The following MALT1 variants were observed in gnomAD, a reference collection of about 807,000 sequenced individuals.
MALT1 encodes MALT1 paracaspase, also known as mucosa-associated lymphoid tissue lymphoma translocation protein 1.
Under a neutral mutation model 85.5 loss-of-function variants are expected in MALT1, and 36 were observed. The observed-to-expected ratio is 0.42, with a 90% CI of 0.32 to 0.56. The LOEUF (loss-of-function observed/expected upper bound fraction) is 0.56, where lower values mean the gene tolerates loss of function less well. Ranked by LOEUF, MALT1 falls within the 20% of genes least tolerant of loss-of-function variation. The probability of loss-of-function intolerance (pLI) is 0.10; values close to 1 mark genes in which losing one functional copy is unlikely to be tolerated. For missense variants in MALT1, 716 were observed against 981.6 expected, an observed-to-expected ratio of 0.73 and a Z score of 3.62; for synonymous variants, 359 against 361.3, an observed-to-expected ratio of 0.99 and a Z score of 0.07.
At chr18:58,674,618 G>A (rs1218212791) in intron 1 of MALT1, among the ~76,000 whole-genome samples, 2 of 152,186 alleles carry the variant, frequency 1.3e-5, no homozygotes, top group African/African-American at 4.8e-5. Context: ...AAGGTCAGCT[G>A]GGGATGCTTA....
At chr18:58,724,274 G>A (rs1442059695) in intron 10 of MALT1, among the ~76,000 whole-genome samples, 1 of 152,112 alleles carries the variant, frequency 6.6e-6, no homozygotes, top group African/African-American at 2.4e-5. Flanking sequence ...GTTGTGTAAG[G>A]GATGGGGAAA....
At chr18:58,697,958 A>G (rs2054614290) in intron 3 of MALT1, among the ~76,000 whole-genome samples, 1 of 152,220 alleles carries the variant, frequency 6.6e-6, no homozygotes, top group Non-Finnish European at 1.5e-5. Context: ...CTATGAGGAA[A>G]ATCAACAGGG....
intron 3 of MALT1, 152 bp from the exon 4 acceptor site, chr18:58,700,289 C>G: frequency 3.8e-6 from 2 of 521,264 alleles, no homozygotes; most frequent in Non-Finnish European, 6.5e-6. Flanking sequence ...TAACTCAAAG[C>G]GTTACTGTTT....
At chr18:58,730,316 T>TCCTTAAC (rs952366813) in intron 10 of MALT1, among the ~76,000 whole-genome samples, 26 of 152,100 alleles carry the variant, frequency 1.7e-4, no homozygotes, top group African/African-American at 6.3e-4. Context: ...CTCCCATTCC[T>TCCTTAAC]CCTTACCCCA....
intron 10 of MALT1, among the ~76,000 whole-genome samples, chr18:58,731,814 TG>T (rs138247603): frequency 1.3e-3 from 204 of 151,322 alleles, no homozygotes; most frequent in Middle Eastern, 3.4e-3. Flanking sequence ...ATGAATCTCC[TG>T]ATCTCCTGCT....
In MALT1 at chr18:58,671,529, T is replaced by G. The variant is rs993212298; in HGVS notation, c.-115T>G. ...CTGAGGGCCGTGCCGCGCTGCCAGA[T>G]TTGTTCTTCCGCCCCTGCCTCCGCG... On this transcript the variant is annotated 5_prime_UTR_variant, in exon 1 of 17. Transcript: ENST00000649217. 99 of 571,446 alleles carry G rather than the reference T, an allele frequency of 1.7e-4. No individual in the cohort carries two copies. The highest frequency in any genetic ancestry group is 2.0e-4 in the Non-Finnish European group (78 of 396,950). 35.4% of individuals were successfully genotyped at this position (571,446 alleles called of 1,614,324 possible). A position where few individuals can be genotyped will look rare whatever the true frequency, so the allele number is the denominator to read the frequency against.
rs902023578 is a variant in MALT1 at position 58,680,949 on chromosome 18, A to T, written c.210-221A>T. On this transcript the variant is annotated intron_variant, in intron 1 of 16. Transcript: ENST00000649217. ...CGTCTCAAAAAAAAAAAAAAAAAAAAAAAAAATAATCATGGGAGCTGAGTG... is the reference window on the plus strand; with the variant it reads ...CGTCTCAAAAAAAAAAAAAAAAAAATAAAAAATAATCATGGGAGCTGAGTG... Among the ~76,000 whole-genome samples, 671 of 151,638 alleles carry T rather than the reference A, an allele frequency of 4.4e-3. 9 individuals are homozygous for T. Among genetic ancestry groups the T allele is most frequent in the African/African-American group, 0.015 (621 of 41,302 alleles).
intron 10 of MALT1, among the ~76,000 whole-genome samples, chr18:58,724,242 TC>T (rs1260879126): frequency 2.0e-5 from 3 of 152,044 alleles, no homozygotes; most frequent in African/African-American, 7.2e-5. Flanking sequence ...GCTTTTTTTT[TC>T]CCCCCAAGAT....
In MALT1 at chr18:58,671,845, C is replaced by A. The variant is rs1020525635; in HGVS notation, c.202C>A (p.Arg68Ser). ...GCTGGCGGGGAGTCGCGGGCGCCTCCGCCTCAGGTGAGCTCAGGGCCGCGG... is the reference window on the plus strand; with the variant it reads ...GCTGGCGGGGAGTCGCGGGCGCCTCAGCCTCAGGTGAGCTCAGGGCCGCGG... ...AELAGSRGRL[R>S]LSCLDLEQCS... is the part of the protein sequence containing the mutation. Residue 68 changes from arginine to serine, a missense_variant, in exon 1 of 17, where the codon CGC (arginine) becomes AGC (serine). Coordinates refer to ENST00000649217, the MANE Select transcript of MALT1 (RefSeq NM_006785.4). 4 of 1,227,628 alleles carry A rather than the reference C, an allele frequency of 3.3e-6. No individual in the cohort carries two copies. Among genetic ancestry groups the A allele is most frequent in the Admixed American group, 8.6e-5 (2 of 23,190 alleles). 76.0% of individuals were successfully genotyped at this position (1,227,628 alleles called of 1,614,324 possible).
intron 4 of MALT1, among the ~76,000 whole-genome samples, chr18:58,706,667 A>C (rs773488677): frequency 6.6e-6 from 1 of 152,156 alleles, no homozygotes; most frequent in Non-Finnish European, 1.5e-5. Context: ...TTTGTAGACA[A>C]ATTATCTCAG....
chr18:58,729,400 A>G (rs1170372703), intron 10 of MALT1, among the ~76,000 whole-genome samples: 2 of 151,846 alleles, frequency 1.3e-5, no homozygotes, highest in African/African-American at 4.8e-5. Context: ...GAGGCAGGAG[A>G]ATCACTTGAA....
At chr18:58,671,899 G>A in intron 1 of MALT1, 47 bp downstream of exon 1, 1 of 1,186,130 alleles carries the variant, frequency 8.4e-7, no homozygotes, top group South Asian at 4.2e-5. Flanking sequence ...CGAGCGGGGT[G>A]GGCTGCGGTG....
At chr18:58,727,616 G>GTTGTTTTTTTTTTTTTTT (rs2055077320) in intron 10 of MALT1, among the ~76,000 whole-genome samples, 1 of 121,264 alleles carries the variant, frequency 8.2e-6, no homozygotes, top group African/African-American at 3.3e-5. Context: ...GGTTTTTTGT[G>GTTGTTTTTTTTTTTTTTT]TTTTTTTTTT....
At position 58,709,462 on chromosome 18, in the gene MALT1, T is replaced by G; in HGVS notation, c.734T>G (p.Val245Gly). The G allele has an allele frequency of 6.2e-7, 1 of 1,613,150 alleles. No individual in the cohort carries two copies. Among genetic ancestry groups the G allele is most frequent in the South Asian group, 1.1e-5 (1 of 90,956 alleles). ...AAGCTGATGCCAGGCAGCACATTGG[T>G]TTTACAGTGTGTTGCTGTTGGAAGC... ...SQKLMPGSTL[V>G]LQCVAVGSPI... Residue 245 changes from valine to glycine, a missense_variant, in exon 5 of 17, where the codon GTT (valine) becomes GGT (glycine). By Grantham distance (109) the Val-to-Gly change is moderately radical (BLOSUM62 -3). This residue lies in a region of MALT1 where 290 missense variants were observed against 380.5 expected (regional missense o/e 0.76). Transcript: ENST00000649217.
chr18:58,753,652 T>C lies in MALT1; in HGVS notation c.*5810T>C, dbSNP rs979094575. ...GTGATTTACTAAAAGATTAACAGCA[T>C]TTATCTCTGGTGGGATAATTTTTCT... On this transcript the variant is annotated 3_prime_UTR_variant, in exon 17 of 17. Transcript: ENST00000649217. 1 of 152,250 alleles carries C rather than the reference T, an allele frequency of 6.6e-6. No homozygotes were observed. The highest frequency in any genetic ancestry group is 1.5e-5 in the Non-Finnish European group (1 of 68,042). 9.4% of individuals were successfully genotyped at this position (152,250 alleles called of 1,614,324 possible).
chr18:58,702,096 A>C (rs1198984898), intron 4 of MALT1, among the ~76,000 whole-genome samples: 3 of 151,972 alleles, frequency 2.0e-5, no homozygotes. Context: ...CTGGCATGGT[A>C]GCTCACACCT....
chr18:58,717,724 C>T (rs899346580), intron 9 of MALT1, among the ~76,000 whole-genome samples: 4 of 130,742 alleles, frequency 3.1e-5, no homozygotes, highest in African/African-American at 5.8e-5. Context: ...CCAGCCTGGG[C>T]GACAGAGTAA....
intron 10 of MALT1, among the ~76,000 whole-genome samples, chr18:58,731,849 CTTT>C (rs1445466586): frequency 2.0e-5 from 3 of 152,148 alleles, no homozygotes; most frequent in South Asian, 4.1e-4. Context: ...CTTTGTCCTT[CTTT>C]TTTGTTTCTC....
intron 9 of MALT1, among the ~76,000 whole-genome samples, chr18:58,721,787 C>T (rs960540910): frequency 2.0e-5 from 3 of 152,194 alleles, no homozygotes; most frequent in Non-Finnish European, 4.4e-5. Context: ...TGTGATTATT[C>T]ATGCCTGTTT....
Sources: allele counts gnomAD v4.1 joint callset (sites outside exome capture counted in the v4.1 genomes callset), GRCh38; gene constraint gnomAD v4.1.1; regional missense constraint gnomAD v4.1.1; transcripts MANE v1.5; gene names NCBI Gene and HGNC (gene_info 2026-07-23, HGNC 2026-07-21).